The following DCC variants were observed in gnomAD, a reference collection of about 807,000 sequenced individuals.
DCC encodes the protein DCC netrin 1 receptor.
In DCC, 58 loss-of-function variants were observed where a neutral mutation model predicts 172.5. The ratio of observed to expected loss-of-function variants is 0.34; its 90% confidence interval spans 0.27 to 0.42. The LOEUF (loss-of-function observed/expected upper bound fraction) is 0.42, where lower values mean the gene tolerates loss of function less well. Ranked by LOEUF, DCC falls within the 10% of genes least tolerant of loss-of-function variation. The pLI, the probability that DCC is intolerant of heterozygous loss-of-function variation, is 1.00. For missense variants in DCC, 1,740 were observed against 1,791.0 expected (o/e 0.97, Z 0.51); for synonymous variants, 709 against 644.5 (o/e 1.10, Z -1.52).
At chr18:52,929,059 A>C (rs1246070483) in intron 5 of DCC, among the ~76,000 whole-genome samples, 2 of 152,084 alleles carry the variant, frequency 1.3e-5, no homozygotes, top group Non-Finnish European at 2.9e-5. Context: ...CAAACCAAGA[A>C]AAAGTGGGTA....
At chr18:53,192,773 T>C (rs749234957) in intron 9 of DCC, among the ~76,000 whole-genome samples, 1 of 152,174 alleles carries the variant, frequency 6.6e-6, no homozygotes, top group African/African-American at 2.4e-5. Context: ...CTGTATACAG[T>C]GAACTGCCTC....
At chr18:52,603,748 A>T (rs2034066815) in intron 1 of DCC, among the ~76,000 whole-genome samples, 1 of 151,738 alleles carries the variant, frequency 6.6e-6, no homozygotes, top group Non-Finnish European at 1.5e-5. Context: ...CTGAAGAGAG[A>T]ATTTTTTTGA....
chr18:52,765,585 A>G (rs1260368998), intron 2 of DCC, among the ~76,000 whole-genome samples: 1 of 152,088 alleles, frequency 6.6e-6, no homozygotes, highest in Non-Finnish European at 1.5e-5. Flanking sequence ...ACCGTAATCT[A>G]TCCTTCCCTC....
chr18:52,966,743 C>G (rs2040938064), intron 5 of DCC, among the ~76,000 whole-genome samples: 1 of 152,146 alleles, frequency 6.6e-6, no homozygotes. Context: ...CTCCCTTTGC[C>G]CCTTCAGGCC....
At chr18:52,587,472 T>C (rs2033701109) in intron 1 of DCC, among the ~76,000 whole-genome samples, 1 of 152,236 alleles carries the variant, frequency 6.6e-6, no homozygotes, top group Non-Finnish European at 1.5e-5. Flanking sequence ...AATATCTTCA[T>C]GGTTTTTGAC....
At chr18:52,922,079 G>GCA (rs2040135633) in intron 3 of DCC, among the ~76,000 whole-genome samples, 1 of 57,216 alleles carries the variant, frequency 1.7e-5, no homozygotes, top group South Asian at 3.2e-4. Context: ...AGGAAATGAA[G>GCA]CATACCATCA....
At chr18:52,753,154 T>C (rs1464966364) in intron 2 of DCC, among the ~76,000 whole-genome samples, 2 of 152,170 alleles carry the variant, frequency 1.3e-5, no homozygotes, top group African/African-American at 4.8e-5. Flanking sequence ...GTAGGATTGT[T>C]GTATCATATG....
In DCC at chr18:53,107,521, CAA is replaced by C. The variant is rs11361848; in HGVS notation, c.1261+41368_1261+41369del. ...ATAATCTTTACTTCAAACTTTGATC[CAA>C]AAAAAAAAAAAAGGAAGGAAAAAAA... is the stretch of plus-strand genomic sequence containing the variant. On this transcript the variant is annotated intron_variant, in intron 7 of 28. Transcript: ENST00000442544. Among the ~76,000 whole-genome samples, 252 of 85,656 alleles carry C rather than the reference CAA, an allele frequency of 2.9e-3. 1 individual carries two copies. The highest frequency in any genetic ancestry group is 6.7e-3 in the East Asian group (27 of 4,032). 56.2% of individuals were successfully genotyped at this position (85,656 alleles called of 152,430 possible). A position where few individuals can be genotyped will look rare whatever the true frequency, so the allele number is the denominator to read the frequency against.
chr18:52,914,257 T>C (rs1425553498), intron 3 of DCC, among the ~76,000 whole-genome samples: 4 of 151,922 alleles, frequency 2.6e-5, no homozygotes, highest in African/African-American at 9.7e-5. Context: ...TGCTACAAAA[T>C]GAATCTGATA....
chr18:53,004,459 G>C (rs564193700), intron 5 of DCC, among the ~76,000 whole-genome samples: 169 of 152,258 alleles, frequency 1.1e-3, no homozygotes, highest in Middle Eastern at 6.8e-3. Flanking sequence ...CAGTTATCCT[G>C]TGAAAACCAC....
chr18:53,437,831 G>A (rs1599151152), intron 22 of DCC, among the ~76,000 whole-genome samples: 1 of 152,200 alleles, frequency 6.6e-6, no homozygotes, highest in African/African-American at 2.4e-5. Flanking sequence ...CCCTCAGCGA[G>A]TGCAGGGCAC....
rs752444094 is a variant in DCC at position 53,530,862 on chromosome 18, G to C, written c.*209G>C. On this transcript the variant is annotated 3_prime_UTR_variant, in exon 29 of 29. Transcript: ENST00000442544. Reference sequence around the variant, plus strand: ...AGGAATTGTCAAATGATGATTATGAGTTCCCTAAACAAAAGCAAAGATGCA... The same window carrying C: ...AGGAATTGTCAAATGATGATTATGACTTCCCTAAACAAAAGCAAAGATGCA... The C allele has an allele frequency of 1.0e-4, 64 of 631,876 alleles. No individual in the cohort carries two copies. The highest frequency in any genetic ancestry group is 1.7e-4 in the Non-Finnish European group (60 of 350,472). 39.1% of individuals were successfully genotyped at this position (631,876 alleles called of 1,614,324 possible). A position where few individuals can be genotyped will look rare whatever the true frequency, so the allele number is the denominator to read the frequency against.
intron 1 of DCC, among the ~76,000 whole-genome samples, chr18:52,526,998 ATCCAGTG>A (rs2032003131): frequency 6.6e-6 from 1 of 152,220 alleles, no homozygotes; most frequent in Non-Finnish European, 1.5e-5. Flanking sequence ...ATGCTTTCTT[ATCCAGTG>A]AGCAAAAAGA....
intron 1 of DCC, among the ~76,000 whole-genome samples, chr18:52,666,865 CT>C (rs896037410): frequency 6.6e-6 from 1 of 152,026 alleles, no homozygotes; most frequent in Non-Finnish European, 1.5e-5. Flanking sequence ...CCAGAAAATA[CT>C]TTTTTTTCCT....
chr18:53,070,651 A>G (rs1348855022), intron 7 of DCC, among the ~76,000 whole-genome samples: 1 of 152,126 alleles, frequency 6.6e-6, no homozygotes, highest in Admixed American at 6.5e-5. Context: ...TTGAAAATTC[A>G]TTTATTTTCC....
chr18:53,400,924 A>T (rs1909257192), intron 18 of DCC, among the ~76,000 whole-genome samples: 1 of 152,174 alleles, frequency 6.6e-6, no homozygotes, highest in Admixed American at 6.5e-5. Flanking sequence ...AAGACAAAAC[A>T]GGCTATTTTC....
chr18:52,884,550 T>C lies in DCC; in HGVS notation c.413-21494T>C, dbSNP rs187915990. ...AGAATTTCTGCTTGATTCTGTCTTG[T>C]TATTTTAATCTCTTTGTGAAATTTC... On this transcript the variant is annotated intron_variant, in intron 2 of 28. Coordinates refer to ENST00000442544, the MANE Select transcript of DCC (RefSeq NM_005215.4). Among the ~76,000 whole-genome samples, 316 of 152,334 alleles carry C rather than the reference T, an allele frequency of 2.1e-3. 1 individual carries two copies. The highest frequency in any genetic ancestry group is 7.2e-3 in the African/African-American group (300 of 41,590).
intron 7 of DCC, among the ~76,000 whole-genome samples, chr18:53,135,601 T>G (rs2043729483): frequency 6.6e-6 from 1 of 152,178 alleles, no homozygotes; most frequent in Non-Finnish European, 1.5e-5. Flanking sequence ...GGCTGACAGC[T>G]GCTTTCAACT....
intron 1 of DCC, among the ~76,000 whole-genome samples, chr18:52,521,418 C>T (rs1053416405): frequency 3.9e-5 from 6 of 152,018 alleles, no homozygotes; most frequent in African/African-American, 1.2e-4. Flanking sequence ...GTCTCAGTTC[C>T]GGAGGCTGGG....
Sources: gnomAD v4.1 joint callset for allele counts (sites outside exome capture counted in the v4.1 genomes callset) on GRCh38, gnomAD v4.1.1 for gene constraint, MANE v1.5 for transcripts, NCBI Gene and HGNC (gene_info 2026-07-23, HGNC 2026-07-21) for gene names.